Variants in MPP1 observed in about 807,000 individuals in gnomAD.
The protein encoded by MPP1 is 55 kDa erythrocyte membrane protein.
MPP1 carries 6 observed loss-of-function variants against 38.2 expected under a neutral mutation model. The ratio of observed to expected loss-of-function variants is 0.16; its 90% confidence interval spans 0.09 to 0.31. MPP1 has a LOEUF of 0.31. MPP1 is among the 10% of genes least tolerant of loss of function. The pLI, the probability that MPP1 is intolerant of heterozygous loss-of-function variation, is 1.00. For synonymous variants in MPP1, 153 were observed against 146.3 expected, an observed-to-expected ratio of 1.05 and a Z score of -0.33; for missense variants, 293 against 368.9, an observed-to-expected ratio of 0.79 and a Z score of 1.69.
In MPP1 at chrX:154,781,901, G is replaced by A. The variant is rs187384174; in HGVS notation, c.947-99C>T. ...TGTATGGAAACCCTAGCTGCCTTTG[G>A]TGCATTGACTTTAATACAGGGGTTC... On this transcript the variant is annotated intron_variant, in intron 9 of 11. Coordinates refer to ENST00000369534, the MANE Select transcript of MPP1 (RefSeq NM_002436.4). 36 of 836,633 alleles carry A rather than the reference G, an allele frequency of 4.3e-5. No homozygotes were observed. The Admixed American group carries it at 7.6e-4, about 18-fold the overall frequency. 68.9% of individuals were successfully genotyped at this position (836,633 alleles called of 1,213,427 possible).
intron 1 of MPP1, chrX:154,804,894 T>C (rs1300323143): frequency 2.2e-5 from 8 of 359,736 alleles, no homozygotes; most frequent in Admixed American, 9.3e-5. Context: ...TCATTTCTGC[T>C]GACCCAAACA....
At chrX:154,783,869 G>A (rs1284308948) in intron 8 of MPP1, 159 bp downstream of exon 8, 2 of 463,934 alleles carry the variant, frequency 4.3e-6, no homozygotes, top group Non-Finnish European at 7.6e-6. Context: ...CCCAGGTGGG[G>A]TGCACGTGAG....
chrX:154,784,709 A>C, intron 7 of MPP1: 1 of 303,121 alleles, frequency 3.3e-6, no homozygotes, highest in Non-Finnish European at 6.1e-6. Context: ...TTAAAACGCT[A>C]GGGAGGGTGC....
chrX:154,783,424 T>C lies in MPP1; in HGVS notation c.946+3A>G. ...CCCTCCAAGGTGCCTAAGAGCTACT[T>C]ACATGGGACAGGGTACACAAACTTC... On this transcript the variant is annotated splice_donor_region_variant and intron_variant, in intron 9 of 11. Coordinates refer to ENST00000369534, the MANE Select transcript of MPP1 (RefSeq NM_002436.4). The C allele has an allele frequency of 1.7e-6, 2 of 1,206,559 alleles. No homozygotes were observed. Among genetic ancestry groups the C allele is most frequent in the East Asian group, 3.0e-5 (1 of 33,663 alleles).
At chrX:154,784,958 A>C in intron 7 of MPP1, 93 bp downstream of exon 7, 1 of 793,651 alleles carries the variant, frequency 1.3e-6, no homozygotes, top group East Asian at 3.2e-5. Context: ...TCTGCTGCGC[A>C]CTGCACCACC....
chrX:154,785,084 ACTT>A lies in MPP1; in HGVS notation c.748_750del (p.Lys250del), dbSNP rs782686373. 20 of 1,208,553 alleles carry A rather than the reference ACTT, an allele frequency of 1.7e-5. No individual in the cohort carries two copies. Among genetic ancestry groups the A allele is most frequent in the African/African-American group, 3.5e-5 (2 of 56,896 alleles). ...TGCTTGGCCAGATATTTGTCTTTGT[ACTT>A]CTTCTTCTTCCCAAAGGGACTGCAG... On this transcript the variant is annotated inframe_deletion, in exon 7 of 12. Transcript: ENST00000369534.
At chrX:154,801,765 AAAAAAAAAAAAAAAAAAAAAAC>A in intron 1 of MPP1, among the ~76,000 whole-genome samples, 1 of 80,145 alleles carries the variant, frequency 1.2e-5, no homozygotes, top group Non-Finnish European at 2.3e-5. Flanking sequence ...TCTCAAAAAA[AAAAAAAAAAAAAAAAAAAAAAC>A]AAAAAACAGA....
intron 6 of MPP1, 53 bp from the exon 7 acceptor site, chrX:154,785,210 C>CG (rs1177884796): frequency 8.9e-6 from 8 of 896,252 alleles, no homozygotes; most frequent in African/African-American, 8.6e-5. Context: ...CCCCTCATAC[C>CG]CCCCCCAGCC....
At chrX:154,793,012 C>T (rs782394761) in intron 1 of MPP1, among the ~76,000 whole-genome samples, 2 of 111,783 alleles carry the variant, frequency 1.8e-5, no homozygotes, top group Non-Finnish European at 3.8e-5. Context: ...GAAAGACAAA[C>T]GACCCATGTA....
chrX:154,800,183 A>G (rs963609754), intron 1 of MPP1, among the ~76,000 whole-genome samples: 8 of 112,529 alleles, frequency 7.1e-5, no homozygotes, highest in African/African-American at 2.6e-4. Context: ...CATGGGCAGT[A>G]TCCTATTCCA....
chrX:154,796,681 T>C (rs1215231381), intron 1 of MPP1, among the ~76,000 whole-genome samples: 1 of 112,187 alleles, frequency 8.9e-6, no homozygotes, highest in Non-Finnish European at 1.9e-5. Context: ...AGAACTCACT[T>C]AGAAACAAAT....
intron 1 of MPP1, chrX:154,799,973 A>G: frequency 1.2e-6 from 1 of 858,977 alleles, no homozygotes. Flanking sequence ...GGGCAACTGA[A>G]GTTGGCTTTC....
intron 11 of MPP1, among the ~76,000 whole-genome samples, chrX:154,780,167 G>A (rs1225781013): frequency 8.9e-6 from 1 of 112,852 alleles, no homozygotes; most frequent in African/African-American, 3.2e-5. Context: ...ATTTAAAAAT[G>A]TGTGTGTATA....
intron 1 of MPP1, among the ~76,000 whole-genome samples, chrX:154,796,142 T>C (rs5945242): frequency 4.9e-4 from 53 of 108,767 alleles, no homozygotes; most frequent in South Asian, 3.2e-3. Flanking sequence ...TTCTTTTTTC[T>C]TTTTTTGAGA....
At chrX:154,786,895 CAAAAAAAAAAA>C (rs782470556) in intron 5 of MPP1, among the ~76,000 whole-genome samples, 2 of 25,591 alleles carry the variant, frequency 7.8e-5, no homozygotes, top group Non-Finnish European at 1.1e-4. Context: ...GACTCCGTCT[CAAAAAAAAAAA>C]AAAAAAAAAA....
chrX:154,799,011 G>T (rs1037792949), intron 1 of MPP1, among the ~76,000 whole-genome samples: 3 of 111,965 alleles, frequency 2.7e-5, no homozygotes, highest in African/African-American at 9.8e-5. Flanking sequence ...TGGGATTACA[G>T]GTGTGAGCCA....
chrX:154,781,991 C>T (rs2072013110), intron 9 of MPP1, 189 bp from the exon 10 acceptor site: 1 of 366,661 alleles, frequency 2.7e-6, no homozygotes, highest in African/African-American at 2.5e-5. Flanking sequence ...CCTCCATCTG[C>T]CCAGGACACA....
intron 1 of MPP1, among the ~76,000 whole-genome samples, chrX:154,793,417 C>A (rs986010426): frequency 8.9e-6 from 1 of 112,328 alleles, no homozygotes; most frequent in Non-Finnish European, 1.9e-5. Context: ...TAAACAAATC[C>A]TGAACTTGAG....
intron 3 of MPP1, 165 bp downstream of exon 3, chrX:154,791,603 TG>T (rs1557267740): frequency 2.3e-6 from 1 of 439,142 alleles, no homozygotes; most frequent in East Asian, 3.7e-5. Flanking sequence ...GATCTTATCA[TG>T]TACTGATTCT....
Sources: gnomAD v4.1 joint callset for allele counts (sites outside exome capture counted in the v4.1 genomes callset) on GRCh38, gnomAD v4.1.1 for gene constraint, MANE v1.5 for transcripts, NCBI Gene and HGNC (gene_info 2026-07-23, HGNC 2026-07-21) for gene names.